Variants in UTP20 observed in about 807,000 individuals in gnomAD.
The protein encoded by UTP20 is small subunit processome component 20 homolog.
A neutral mutation model predicts 329.5 loss-of-function variants in UTP20; 164 were observed. That is an observed-to-expected ratio of 0.50 (90% confidence interval 0.44 to 0.57). The LOEUF is 0.57. UTP20 is among the 20% of genes least tolerant of loss of function. UTP20 has a pLI of 0.00. For missense variants in UTP20, 3,055 were observed against 3,284.2 expected (o/e 0.93, Z 1.71); for synonymous variants, 1,151 against 1,159.3 (o/e 0.99, Z 0.14).
chr12:101,286,177 A>G lies in UTP20; in HGVS notation c.327-144A>G, dbSNP rs879727777. 8.3e-5 allele frequency: 72 copies of G among 867,396 alleles called. No homozygotes were observed. The Middle Eastern group carries it at 1.0e-3, about 12-fold the overall frequency. 53.7% of individuals were successfully genotyped at this position (867,396 alleles called of 1,614,324 possible). A position where few individuals can be genotyped will look rare whatever the true frequency, so the allele number is the denominator to read the frequency against. Reference sequence around the variant, plus strand: ...TTTCTTTGCTGAGATCTTAAGATTTAAAGAATTTTATAATTTTTCAGACTT... The same window carrying G: ...TTTCTTTGCTGAGATCTTAAGATTTGAAGAATTTTATAATTTTTCAGACTT... On this transcript the variant is annotated intron_variant, in intron 4 of 61. Transcript: ENST00000261637.
In UTP20 at chr12:101,368,029, A is replaced by G. The variant is rs1431824886; in HGVS notation, c.6384+53A>G. ...GAGCATTTATTTCTTCAGAAGAACT[A>G]TGTTTTGCAGAATACCTAATGGTTG... On this transcript the variant is annotated intron_variant, in intron 48 of 61. Transcript: ENST00000261637. 6.2e-6 allele frequency: 8 copies of G among 1,281,990 alleles called. 1 individual carries two copies. The South Asian group carries it at 7.2e-5, about 12-fold the overall frequency. 79.4% of individuals were successfully genotyped at this position (1,281,990 alleles called of 1,614,324 possible). A position where few individuals can be genotyped will look rare whatever the true frequency, so the allele number is the denominator to read the frequency against.
chr12:101,310,577 C>CAAAAAAAAAAAAAAAAAAAAAAAAAAA (rs549641642), intron 19 of UTP20, among the ~76,000 whole-genome samples: 12 of 44,360 alleles, frequency 2.7e-4, no homozygotes, highest in African/African-American at 3.3e-4. Flanking sequence ...CTCTGTCTCC[C>CAAAAAAAAAAAAAAAAAAAAAAAAAAA]AAAAAAAAAA....
At chr12:101,328,886 AT>A (rs1868657390) in intron 26 of UTP20, among the ~76,000 whole-genome samples, 1 of 148,554 alleles carries the variant, frequency 6.7e-6, no homozygotes, top group African/African-American at 2.5e-5. Context: ...AAAAAAAAAA[AT>A]TACCAGATGG....
At chr12:101,308,778 G>A (rs1349260479) in intron 18 of UTP20, among the ~76,000 whole-genome samples, 1 of 150,434 alleles carries the variant, frequency 6.6e-6, no homozygotes, top group Non-Finnish European at 1.5e-5. Context: ...TGTCACCCAG[G>A]CTGGAGTGCA....
At chr12:101,325,677 C>CAAGCTGAACTAGCT (rs1868530644) in intron 25 of UTP20, among the ~76,000 whole-genome samples, 2 of 152,330 alleles carry the variant, frequency 1.3e-5, no homozygotes, top group Admixed American at 1.3e-4. Flanking sequence ...ATTTGATGTA[C>CAAGCTGAACTAGCT]AAGCTGAACT....
Position 101,346,592 on chromosome 12 carries a change from G to A in UTP20, c.4884+4G>A. The A allele has an allele frequency of 6.3e-7, 1 of 1,578,280 alleles. No individual in the cohort carries two copies. Among genetic ancestry groups the A allele is most frequent in the Non-Finnish European group, 8.6e-7 (1 of 1,166,074 alleles). On this transcript the variant is annotated splice_donor_region_variant and intron_variant, in intron 38 of 61. Coordinates refer to ENST00000261637, the MANE Select transcript of UTP20 (RefSeq NM_014503.3). ...TTTTGATGAGAAAATGCTCAAGGTA[G>A]GTCATTAGATCTAGAAACCAAGGAC...
At chr12:101,318,683 T>C (rs1873051710) in intron 22 of UTP20, among the ~76,000 whole-genome samples, 1 of 151,538 alleles carries the variant, frequency 6.6e-6, no homozygotes, top group Admixed American at 6.6e-5. Context: ...ATATAAAAAT[T>C]AGTCAGGCAT....
intron 11 of UTP20, among the ~76,000 whole-genome samples, chr12:101,294,010 T>C (rs1303343497): frequency 6.6e-6 from 1 of 152,100 alleles, no homozygotes; most frequent in Non-Finnish European, 1.5e-5. Context: ...TCGGGTCTAA[T>C]GATTTTTAGC....
In UTP20 at chr12:101,375,699, A is replaced by G; in HGVS notation, c.7339A>G (p.Lys2447Glu). 1 of 1,605,420 alleles carries G rather than the reference A, an allele frequency of 6.2e-7. No homozygotes were observed. Among genetic ancestry groups the G allele is most frequent in the Non-Finnish European group, 8.5e-7 (1 of 1,173,598 alleles). ...SFLTLITKLI[K>E]ECNIIQFTKP... Reference sequence around the variant, plus strand: ...TCTTACACTGATAACTAAACTTATCAAGGAATGTAATATTATTCAGTTTAC... The same window carrying G: ...TCTTACACTGATAACTAAACTTATCGAGGAATGTAATATTATTCAGTTTAC... Residue 2447 changes from lysine to glutamate, a missense_variant, in exon 56 of 62, where the codon AAG becomes GAG. Transcript: ENST00000261637.
In UTP20 at chr12:101,334,405, T is replaced by C. The variant is rs779681086; in HGVS notation, c.3562-20T>C. The C allele has an allele frequency of 2.5e-6, 4 of 1,605,460 alleles. No individual in the cohort carries two copies. Among genetic ancestry groups the C allele is most frequent in the Non-Finnish European group, 3.4e-6 (4 of 1,176,596 alleles). The stretch of plus-strand genomic sequence containing the variant: ...TTTGGTATATGTATTTGGTATTCTG[T>C]TTTTTACTTTGTCTCCTAGATCAGC... On this transcript the variant is annotated intron_variant, in intron 28 of 61. Coordinates refer to ENST00000261637, the MANE Select transcript of UTP20 (RefSeq NM_014503.3).
At chr12:101,363,471 G>C in intron 44 of UTP20, 105 bp from the exon 45 acceptor site, 1 of 976,824 alleles carries the variant, frequency 1.0e-6, no homozygotes, top group Non-Finnish European at 1.4e-6. Context: ...AGTCCAACTT[G>C]CATTTCTTTG....
chr12:101,293,688 A>C (rs1052347879), intron 11 of UTP20, among the ~76,000 whole-genome samples: 29 of 152,308 alleles, frequency 1.9e-4, no homozygotes, highest in African/African-American at 6.5e-4. Context: ...TACAGTATAC[A>C]TCATGGAAAC....
chr12:101,315,434 A>G (rs1002012097), intron 21 of UTP20, among the ~76,000 whole-genome samples: 1 of 151,826 alleles, frequency 6.6e-6, no homozygotes, highest in African/African-American at 2.4e-5. Flanking sequence ...CAATGAGCTG[A>G]GATTGTGCCA....
intron 12 of UTP20, among the ~76,000 whole-genome samples, chr12:101,296,743 A>G (rs1352314309): frequency 2.6e-5 from 4 of 151,938 alleles, no homozygotes; most frequent in Non-Finnish European, 5.9e-5. Context: ...GCAAGACTCT[A>G]TCTCAAAAAA....
At chr12:101,303,405 G>T (rs750369400) in intron 15 of UTP20, among the ~76,000 whole-genome samples, 5 of 152,118 alleles carry the variant, frequency 3.3e-5, no homozygotes, top group Admixed American at 3.3e-4. Context: ...TGAGGGGAGC[G>T]GTAGCAGTTT....
chr12:101,302,088 G>C (rs1038655641), intron 14 of UTP20, among the ~76,000 whole-genome samples: 5 of 152,034 alleles, frequency 3.3e-5, no homozygotes, highest in Admixed American at 6.6e-5. Context: ...GAACCACCAT[G>C]CCCAGCTAAT....
At chr12:101,281,765 C>T (rs569960206) in intron 2 of UTP20, among the ~76,000 whole-genome samples, 2 of 152,060 alleles carry the variant, frequency 1.3e-5, no homozygotes, top group Admixed American at 6.5e-5. Context: ...AGTGCAGTGG[C>T]GTGATCTTGG....
chr12:101,354,740 G>T (rs774686561), intron 40 of UTP20, 92 bp from the exon 41 acceptor site: 122 of 1,369,632 alleles, frequency 8.9e-5, no homozygotes, highest in Non-Finnish European at 1.2e-4. Context: ...ATTTTTTATC[G>T]GAAGTTGGAC....
rs751964555 is a variant in UTP20 at position 101,281,233 on chromosome 12, C to T, written c.126+37C>T. 1.3e-5 allele frequency: 20 copies of T among 1,550,642 alleles called. No individual in the cohort carries two copies. The Admixed American group carries it at 3.1e-4, about 24-fold the overall frequency. Reference sequence around the variant, plus strand: ...TGATACTAGTCAATCTTCAAGTGTTCATGGTGTTTTAGTTTCTTCTGTTAG... The same window carrying T: ...TGATACTAGTCAATCTTCAAGTGTTTATGGTGTTTTAGTTTCTTCTGTTAG... On this transcript the variant is annotated intron_variant, in intron 2 of 61. Coordinates refer to ENST00000261637, the MANE Select transcript of UTP20 (RefSeq NM_014503.3).
Sources: allele counts gnomAD v4.1 joint callset (sites outside exome capture counted in the v4.1 genomes callset), GRCh38; gene constraint gnomAD v4.1.1; transcripts MANE v1.5; gene names NCBI Gene and HGNC (gene_info 2026-07-23, HGNC 2026-07-21).